The following LRRC43 variants were observed in gnomAD, a reference collection of about 807,000 sequenced individuals.
LRRC43 encodes the protein leucine-rich repeat-containing protein 43.
Under a neutral mutation model 64.3 loss-of-function variants are expected in LRRC43, and 62 were observed. The observed-to-expected ratio is 0.96, with a 90% CI of 0.79 to 1.19. The LOEUF is 1.19. LRRC43 is among the 50% of genes most tolerant of loss of function. The pLI is 0.00. For missense variants in LRRC43, 868 were observed against 845.0 expected (o/e 1.03, Z -0.34); for synonymous variants, 422 against 382.3 (o/e 1.10, Z -1.21).
In LRRC43 at chr12:122,200,734, C is replaced by CCGT; in HGVS notation, c.1621-6_1621-4dup. ...CAACTTGTCCCACCCTCCTGTCCTC[C>CCGT]CGTCGTCGCAGGAGTGGAAGGTGCT... On this transcript the variant is annotated splice_polypyrimidine_tract_variant and intron_variant, in intron 9 of 11. Coordinates refer to ENST00000339777, the MANE Select transcript of LRRC43 (RefSeq NM_001098519.2). The surrounding 1 kb of genome is among the most constrained non-coding windows in gnomAD (Gnocchi z 4.6). 6.2e-7 allele frequency: 1 copy of CCGT among 1,613,102 alleles called. No individual in the cohort carries two copies. Among genetic ancestry groups the CCGT allele is most frequent in the South Asian group, 1.1e-5 (1 of 91,074 alleles).
At chr12:122,201,232 G>A (rs1953835299) in intron 10 of LRRC43, 64 bp from the exon 11 acceptor site, 2 of 1,570,666 alleles carry the variant, frequency 1.3e-6, no homozygotes, top group East Asian at 2.2e-5. Context: ...GGGCCCCAGA[G>A]ACACCCCTTC....
chr12:122,172,429 G>A (rs1308110129), intron 1 of LRRC43: 3 of 1,612,814 alleles, frequency 1.9e-6, no homozygotes, highest in South Asian at 1.1e-5. Flanking sequence ...GTGGCCTGTT[G>A]GGCTCCAGAG....
At chr12:122,183,964 C>G (rs1405362717) in intron 1 of LRRC43, among the ~76,000 whole-genome samples, 2 of 152,126 alleles carry the variant, frequency 1.3e-5, no homozygotes, top group African/African-American at 4.8e-5. Context: ...TGGTCTCAAA[C>G]TCCTGACCTC....
chr12:122,201,983 G>C (rs1383185129), intron 11 of LRRC43: 1 of 152,232 alleles, frequency 6.6e-6, no homozygotes, highest in African/African-American at 2.4e-5. Context: ...AATTAGCCAG[G>C]TGCGGTGGTG....
intron 2 of LRRC43, among the ~76,000 whole-genome samples, chr12:122,185,668 G>A (rs1423995760): frequency 6.6e-6 from 1 of 152,190 alleles, no homozygotes; most frequent in Non-Finnish European, 1.5e-5. Flanking sequence ...AGTTTGCCAG[G>A]GACTTTCAGT....
At chr12:122,198,106 G>A (rs1381476554) in intron 7 of LRRC43, among the ~76,000 whole-genome samples, 1 of 151,706 alleles carries the variant, frequency 6.6e-6, no homozygotes, top group East Asian at 1.9e-4. Context: ...TCAGCCACTT[G>A]AGTAGCTGGA....
At chr12:122,172,754 G>A (rs1953498566) in intron 1 of LRRC43, 1 of 1,589,290 alleles carries the variant, frequency 6.3e-7, no homozygotes, top group Middle Eastern at 1.9e-4. Context: ...GTGGAATGAG[G>A]AGAAATGGTC....
rs1440340562 is a variant in LRRC43, at chr12:122,200,943, G to A, written c.1809+9G>A. ...GGCTGACGTTGGCCAGGGTACAGCC[G>A]GGCCCTAGCCACATCCTCCACCTCT... On this transcript the variant is annotated intron_variant, in intron 10 of 11. Transcript: ENST00000339777. This position sits in a 1 kb window ranked among gnomAD's most constrained non-coding sequence, Gnocchi z 4.6. The A allele has an allele frequency of 1.6e-5, 25 of 1,583,134 alleles. No homozygotes were observed. Among genetic ancestry groups the A allele is most frequent in the African/African-American group, 8.1e-5 (6 of 74,276 alleles).
chr12:122,187,602 T>C, intron 3 of LRRC43, 99 bp from the exon 4 acceptor site: 1 of 1,110,148 alleles, frequency 9.0e-7, no homozygotes, highest in Non-Finnish European at 1.3e-6. Flanking sequence ...GAGTAGTTTG[T>C]GATTCCTCTA....
At chr12:122,174,556 C>T (rs1263260671) in intron 1 of LRRC43, among the ~76,000 whole-genome samples, 1 of 152,170 alleles carries the variant, frequency 6.6e-6, no homozygotes, top group African/African-American at 2.4e-5. Context: ...GGGTGACTTC[C>T]AGGAGTTCAA....
intron 1 of LRRC43, among the ~76,000 whole-genome samples, chr12:122,178,107 G>A (rs1047409077): frequency 4.6e-5 from 7 of 152,022 alleles, no homozygotes; most frequent in African/African-American, 1.7e-4. Flanking sequence ...CAAGGTGCTA[G>A]GATTACAAGT....
rs1355282722 is a variant in LRRC43 at position 122,200,314 on chromosome 12, C to A, written c.1475C>A (p.Thr492Asn). ...TTCCTGCTGGCGGGGACCACCGTGA[C>A]CATCGTGGAGGAGAAGGTGGGCAGG... ...KAFLLAGTTVTIVEEKILSWP... is the reference protein window; with the variant it reads ...KAFLLAGTTVNIVEEKILSWP... Residue 492 changes from threonine to asparagine, a missense_variant, in exon 8 of 12, where the codon ACC becomes AAC. Transcript: ENST00000339777. This position sits in a 1 kb window ranked among gnomAD's most constrained non-coding sequence, Gnocchi z 4.6. 9 of 1,611,080 alleles carry A rather than the reference C, an allele frequency of 5.6e-6. No homozygotes were observed. Among genetic ancestry groups the A allele is most frequent in the African/African-American group, 5.3e-5 (4 of 74,892 alleles).
rs536883370 is a variant in LRRC43 at position 122,173,108 on chromosome 12, T to G, written c.-406+5326T>G. Among the ~76,000 whole-genome samples, 14 of 151,230 alleles carry G rather than the reference T, an allele frequency of 9.3e-5. 1 individual carries two copies. The highest frequency in any genetic ancestry group is 8.6e-4 in the Admixed American group (13 of 15,110). ...CGCACGCTCCACTTATAAAGGAGAG[T>G]GTTAGGCTTGTCCGGAAAGGCCTCC... On this transcript the variant is annotated intron_variant, in intron 1 of 5. Transcript: ENST00000537729.
At chr12:122,178,256 C>T (rs1316464154), upstream of LRRC43, among the ~76,000 whole-genome samples, 1 of 152,108 alleles carries the variant, frequency 6.6e-6, no homozygotes, top group African/African-American at 2.4e-5. Context: ...TTTTACATGA[C>T]CCCTCTATAG....
chr12:122,169,512 G>C (rs1291512923), intron 1 of LRRC43, among the ~76,000 whole-genome samples: 1 of 151,872 alleles, frequency 6.6e-6, no homozygotes, highest in Non-Finnish European at 1.5e-5. Flanking sequence ...TCAGGAGATC[G>C]AGACCATCCT....
chr12:122,195,249 GA>G (rs768588556), intron 7 of LRRC43, among the ~76,000 whole-genome samples: 5 of 151,754 alleles, frequency 3.3e-5, no homozygotes, highest in Admixed American at 6.6e-5. Context: ...TGCTACCCCA[GA>G]ACATTTTTTT....
chr12:122,170,641 C>CA (rs1202390707), intron 1 of LRRC43, among the ~76,000 whole-genome samples: 1 of 151,620 alleles, frequency 6.6e-6, no homozygotes, highest in African/African-American at 2.4e-5. Context: ...GGAAAAAAAA[C>CA]AAAAAAGCCT....
chr12:122,188,044 G>A, intron 4 of LRRC43: 2 of 538,686 alleles, frequency 3.7e-6, no homozygotes, highest in South Asian at 5.3e-5. Context: ...AGAACAAGAG[G>A]TAGTAGGTGT....
In LRRC43 at chr12:122,199,842, C is replaced by T. The variant is rs1214547298; in HGVS notation, c.1350-347C>T. Among the ~76,000 whole-genome samples the T allele has an allele frequency of 3.9e-5, 6 of 152,306 alleles. No homozygotes were observed. The South Asian group carries it at 8.3e-4, about 21-fold the overall frequency. ...CAGGCGATCCTCCTGTCTCGGCTTCCCAAAGTGCTGGGATTAGAAGCCAGA... is the reference window on the plus strand; with the variant it reads ...CAGGCGATCCTCCTGTCTCGGCTTCTCAAAGTGCTGGGATTAGAAGCCAGA... On this transcript the variant is annotated intron_variant, in intron 7 of 11. Transcript: ENST00000339777.
Sources: allele counts gnomAD v4.1 joint callset (sites outside exome capture counted in the v4.1 genomes callset), GRCh38; gene constraint gnomAD v4.1.1; non-coding constraint Gnocchi (gnomAD v3.1); transcripts MANE v1.5; gene names NCBI Gene and HGNC (gene_info 2026-07-23, HGNC 2026-07-21).